RHBDD1: variants seen among roughly 807,000 people sequenced by gnomAD.
The protein encoded by RHBDD1 is rhomboid domain containing 1.
Under a neutral mutation model 36.3 loss-of-function variants are expected in RHBDD1, and 38 were observed. The observed-to-expected ratio is 1.05, with a 90% confidence interval of 0.81 to 1.37. The LOEUF is 1.37. Among genes scored for constraint, RHBDD1 ranks in the 40% most tolerant of loss-of-function variants. RHBDD1 has a pLI of 0.00. For missense variants in RHBDD1, 393 were observed against 377.6 expected (o/e 1.04, Z -0.34); for synonymous variants, 151 against 136.5 (o/e 1.11, Z -0.74).
At chr2:226,958,962 G>T (rs374368315) in intron 8 of RHBDD1, among the ~76,000 whole-genome samples, 1 of 151,978 alleles carries the variant, frequency 6.6e-6, no homozygotes, top group Admixed American at 6.6e-5. Flanking sequence ...TCTGGTTAGC[G>T]CGATAAACCT....
At chr2:226,900,946 T>C (rs1337423189) in intron 5 of RHBDD1, among the ~76,000 whole-genome samples, 1 of 152,198 alleles carries the variant, frequency 6.6e-6, no homozygotes, top group Non-Finnish European at 1.5e-5. Flanking sequence ...TTATTAACTC[T>C]ACTCACCATG....
At chr2:226,846,851 AATATGTAAGTACTAT>A (rs1942279121) in intron 3 of RHBDD1, among the ~76,000 whole-genome samples, 1 of 152,216 alleles carries the variant, frequency 6.6e-6, no homozygotes, top group African/African-American at 2.4e-5. Flanking sequence ...ATGGTTAAAA[AATATGTAAGTACTAT>A]ATATGTAAGT....
intron 3 of RHBDD1, among the ~76,000 whole-genome samples, chr2:226,841,969 A>C (rs1423135081): frequency 6.6e-6 from 1 of 151,886 alleles, no homozygotes; most frequent in Non-Finnish European, 1.5e-5. Flanking sequence ...TTGTTTTTTG[A>C]CTTTTTAATA....
At chr2:226,940,097 C>T (rs1950571977) in intron 8 of RHBDD1, among the ~76,000 whole-genome samples, 1 of 152,122 alleles carries the variant, frequency 6.6e-6, no homozygotes, top group African/African-American at 2.4e-5. Flanking sequence ...TTCCCTACAC[C>T]TTATAAAAAA....
At chr2:226,979,221 G>A (rs546209681) in intron 8 of RHBDD1, among the ~76,000 whole-genome samples, 14 of 152,174 alleles carry the variant, frequency 9.2e-5, no homozygotes, top group Admixed American at 2.0e-4. Context: ...TGAAGAAACT[G>A]CAGTCTCATT....
At chr2:226,828,115 G>C in the RHBDD1 span, among the ~76,000 whole-genome samples, 1 of 152,094 alleles carries the variant, frequency 6.6e-6, no homozygotes, top group Non-Finnish European at 1.5e-5. Flanking sequence ...TGCTAATTTA[G>C]AGCTAACCTG....
chr2:226,867,163 G>A (rs1944410479), intron 4 of RHBDD1, 23 bp from the exon 5 acceptor site: 1 of 1,579,346 alleles, frequency 6.3e-7, no homozygotes, highest in Non-Finnish European at 8.6e-7. Context: ...GTTGATATTT[G>A]CATGTTCTTC....
chr2:226,811,495 G>T, the RHBDD1 span, among the ~76,000 whole-genome samples: 1 of 152,080 alleles, frequency 6.6e-6, no homozygotes, highest in South Asian at 2.1e-4. Context: ...TAGAGACTGG[G>T]TTTTGCCATG....
intron 8 of RHBDD1, among the ~76,000 whole-genome samples, chr2:226,953,739 T>C (rs1951589025): frequency 6.6e-6 from 1 of 152,208 alleles, no homozygotes; most frequent in Non-Finnish European, 1.5e-5. Context: ...TTGAGAAGCA[T>C]CTGTGAACAA....
chr2:226,834,339 T>C (rs917195560), upstream of RHBDD1, among the ~76,000 whole-genome samples: 1 of 152,244 alleles, frequency 6.6e-6, no homozygotes, highest in Non-Finnish European at 1.5e-5. Context: ...AATACCTCTA[T>C]AGGCAATTTA....
At chr2:226,953,422 G>A (rs753895042) in intron 8 of RHBDD1, among the ~76,000 whole-genome samples, 1 of 152,168 alleles carries the variant, frequency 6.6e-6, no homozygotes, top group African/African-American at 2.4e-5. Flanking sequence ...CAGTAATATA[G>A]TTATTCTAAG....
intron 7 of RHBDD1, among the ~76,000 whole-genome samples, chr2:226,913,277 A>C (rs1465751811): frequency 6.6e-6 from 1 of 152,166 alleles, no homozygotes; most frequent in Non-Finnish European, 1.5e-5. Flanking sequence ...AACAACCCAA[A>C]CCACATTATT....
rs1447045713 is a variant in RHBDD1, at chr2:226,984,931, G to C, written c.857-10500G>C. On this transcript the variant is annotated intron_variant, in intron 8 of 8. Coordinates refer to ENST00000392062, the MANE Select transcript of RHBDD1 (RefSeq NM_001167608.3). ...CTGATGCTCTCCTGGGGGTTGGGGT[G>C]GGGGAGGGGGAGGAGGGGCAGAAGC... Among the ~76,000 whole-genome samples, 3 of 151,520 alleles carry C rather than the reference G, an allele frequency of 2.0e-5. No individual in the cohort carries two copies. In the East Asian group the frequency reaches 5.8e-4, roughly 29 times the overall value.
At chr2:226,875,620 G>A (rs1945164888) in intron 5 of RHBDD1, among the ~76,000 whole-genome samples, 1 of 152,204 alleles carries the variant, frequency 6.6e-6, no homozygotes, top group Admixed American at 6.6e-5. Flanking sequence ...TGAGAAATTA[G>A]GAGGCGCTGC....
chr2:226,910,038 T>C (rs1473478422), intron 7 of RHBDD1, among the ~76,000 whole-genome samples: 1 of 152,174 alleles, frequency 6.6e-6, no homozygotes, highest in Non-Finnish European at 1.5e-5. Flanking sequence ...AACAAGTGGG[T>C]ATAGGTGTGT....
At chr2:226,832,769 A>G (rs544725059), upstream of RHBDD1, among the ~76,000 whole-genome samples, 4 of 152,254 alleles carry the variant, frequency 2.6e-5, no homozygotes, top group Admixed American at 1.3e-4. Context: ...CCCATTTGGG[A>G]GGCCGAGACA....
intron 8 of RHBDD1, among the ~76,000 whole-genome samples, chr2:226,974,972 C>T (rs1332336104): frequency 6.6e-6 from 1 of 152,202 alleles, no homozygotes; most frequent in Non-Finnish European, 1.5e-5. Context: ...AGTTCCACTG[C>T]TCTGATGGCC....
At chr2:226,874,712 C>T (rs556944045) in intron 5 of RHBDD1, among the ~76,000 whole-genome samples, 8 of 152,318 alleles carry the variant, frequency 5.3e-5, no homozygotes, top group Non-Finnish European at 8.8e-5. Context: ...TCCTTAATCA[C>T]ACTTGCTAAA....
At chr2:226,915,923 A>AT (rs1437035191) in intron 8 of RHBDD1, among the ~76,000 whole-genome samples, 2 of 152,076 alleles carry the variant, frequency 1.3e-5, no homozygotes, top group Non-Finnish European at 2.9e-5. Flanking sequence ...GGCTTAGCTG[A>AT]TTTTGGCTAG....
Sources: allele counts gnomAD v4.1 joint callset (sites outside exome capture counted in the v4.1 genomes callset), GRCh38; gene constraint gnomAD v4.1.1; transcripts MANE v1.5; gene names NCBI Gene and HGNC (gene_info 2026-07-23, HGNC 2026-07-21).